The following MRS2 variants were observed in gnomAD, a reference collection of about 807,000 sequenced individuals.
MRS2 encodes the protein magnesium transporter MRS2.
A neutral mutation model predicts 52.6 loss-of-function variants in MRS2; 40 were observed. That is an observed-to-expected ratio of 0.76 (90% CI 0.59 to 0.99). MRS2 has a LOEUF of 0.99. Ranked by LOEUF, MRS2 falls within the 50% of genes least tolerant of loss-of-function variation. The pLI is 0.00. For missense variants in MRS2, 472 were observed against 532.7 expected (o/e 0.89, Z 1.12); for synonymous variants, 193 against 195.9 (o/e 0.98, Z 0.13).
At chr6:24,422,860 C>T (rs981647081) in intron 9 of MRS2, 77 bp from the exon 10 acceptor site, 31 of 983,954 alleles carry the variant, frequency 3.2e-5, no homozygotes, top group Non-Finnish European at 4.4e-5. Flanking sequence ...CTTTCAAACT[C>T]TGGGGCAGTA....
chr6:24,413,107 T>C (rs1761722670), intron 5 of MRS2, among the ~76,000 whole-genome samples: 1 of 152,024 alleles, frequency 6.6e-6, no homozygotes, highest in African/African-American at 2.4e-5. Context: ...AGATGATAAG[T>C]AGTGGGAGCC....
intron 10 of MRS2, chr6:24,423,307 G>A: frequency 2.1e-6 from 1 of 478,898 alleles, no homozygotes; most frequent in South Asian, 3.6e-5. Flanking sequence ...AATTTGTGTA[G>A]AACTCTGACA....
intron 5 of MRS2, among the ~76,000 whole-genome samples, chr6:24,413,417 C>T (rs940918249): frequency 1.3e-5 from 2 of 152,078 alleles, no homozygotes; most frequent in Non-Finnish European, 2.9e-5. Flanking sequence ...GAAGCAAGAC[C>T]AGCCACCTCT....
chr6:24,404,458 A>C (rs971760356), intron 1 of MRS2, among the ~76,000 whole-genome samples: 1 of 152,220 alleles, frequency 6.6e-6, no homozygotes, highest in African/African-American at 2.4e-5. Flanking sequence ...TAGAAAAAAG[A>C]TCAGAAATAG....
In MRS2 at chr6:24,403,128, G is replaced by T; in HGVS notation, c.82G>T (p.Asp28Tyr). ...GCGGACGCTGTGTGCCCTGGCCTTG[G>T]ACGTGACCTCTGTGGGTCCTCCCGT... The part of the protein sequence containing the change: ...PRRTLCALAL[D>Y]VTSVGPPVAA... Residue 28 changes from aspartate to tyrosine, a missense_variant, in exon 1 of 11, where the codon GAC becomes TAC. Physicochemically the swap from Asp to Tyr is radical, Grantham distance 160 (BLOSUM62 -3). Transcript: ENST00000378386. The T allele has an allele frequency of 6.2e-7, 1 of 1,612,034 alleles. No homozygotes were observed. Among genetic ancestry groups the T allele is most frequent in the Non-Finnish European group, 8.5e-7 (1 of 1,179,898 alleles).
chr6:24,406,502 G>A (rs908580684), intron 2 of MRS2, among the ~76,000 whole-genome samples: 6 of 152,140 alleles, frequency 3.9e-5, no homozygotes, highest in African/African-American at 9.7e-5. Context: ...GGCCAGGCAC[G>A]GTGGCTCACG....
intron 2 of MRS2, among the ~76,000 whole-genome samples, chr6:24,406,386 A>G (rs894071073): frequency 2.7e-5 from 4 of 149,168 alleles, no homozygotes; most frequent in African/African-American, 9.7e-5. Context: ...GCTTTTCTTT[A>G]TAAACTATAT....
Position 24,412,208 on chromosome 6 carries a change from T to TC in MRS2, c.415-14_415-13insC. ...TCACATATTTATATGTTTTGGTTTT[T>TC]TTTTTTTTAACAGTATTTGAAAGCT... On this transcript the variant is annotated splice_polypyrimidine_tract_variant and intron_variant, in intron 4 of 10. Coordinates refer to ENST00000378386, the MANE Select transcript of MRS2 (RefSeq NM_020662.4). 1 of 1,530,598 alleles carries TC rather than the reference T, an allele frequency of 6.5e-7. No homozygotes were observed. Among genetic ancestry groups the TC allele is most frequent in the South Asian group, 1.3e-5 (1 of 78,466 alleles). The allele number at this position is 1,530,598 out of a possible 1,614,324, so 94.8% of individuals were successfully genotyped here.
intron 9 of MRS2, among the ~76,000 whole-genome samples, chr6:24,422,255 C>T (rs906102409): frequency 1.3e-5 from 2 of 152,196 alleles, no homozygotes; most frequent in African/African-American, 2.4e-5. Flanking sequence ...GAAGTGAGCT[C>T]TCAATCATTG....
intron 7 of MRS2, 49 bp from the exon 8 acceptor site, chr6:24,418,035 A>G: frequency 1.3e-6 from 2 of 1,535,344 alleles, no homozygotes; most frequent in Non-Finnish European, 1.8e-6. Flanking sequence ...CACTAAGTAT[A>G]TGATACACAT....
chr6:24,423,078 T>C (rs374584187), intron 10 of MRS2, 28 bp downstream of exon 10: 4 of 1,538,922 alleles, frequency 2.6e-6, no homozygotes, highest in Non-Finnish European at 3.6e-6. Context: ...CACGGCGGTA[T>C]TGTGGAAGGG....
chr6:24,408,456 G>A lies in MRS2; in HGVS notation c.301+12G>A, dbSNP rs1761546837. On this transcript the variant is annotated intron_variant, in intron 3 of 10. Coordinates refer to ENST00000378386, the MANE Select transcript of MRS2 (RefSeq NM_020662.4). Reference sequence around the variant, plus strand: ...CGTTACTTCTTTTGGTGAGTGATTAGCATTCTAAATCATTTTTTAAACATT... The same window carrying A: ...CGTTACTTCTTTTGGTGAGTGATTAACATTCTAAATCATTTTTTAAACATT... The A allele has an allele frequency of 3.2e-6, 5 of 1,565,894 alleles. No homozygotes were observed. Among genetic ancestry groups the A allele is most frequent in the Non-Finnish European group, 4.4e-6 (5 of 1,138,666 alleles).
chr6:24,410,884 T>C (rs1232253058), intron 4 of MRS2: 2 of 736,432 alleles, frequency 2.7e-6, no homozygotes, highest in African/African-American at 3.6e-5. Flanking sequence ...CTTTCAACTT[T>C]TCTGTATAAA....
chr6:24,417,361 A>G (rs1761886149), intron 7 of MRS2, among the ~76,000 whole-genome samples: 1 of 152,244 alleles, frequency 6.6e-6, no homozygotes, highest in Non-Finnish European at 1.5e-5. Context: ...TCTTTATATG[A>G]AATCACATTA....
In MRS2 at chr6:24,425,904, C is replaced by T. The variant is rs960765691; in HGVS notation, c.*2210C>T. 1.3e-5 allele frequency: 2 copies of T among 152,098 alleles called. No individual in the cohort carries two copies. The highest frequency in any genetic ancestry group is 4.8e-5 in the African/African-American group (2 of 41,422). The allele number at this position is 152,098 out of a possible 1,614,324, so 9.4% of individuals were successfully genotyped here. A position where few individuals can be genotyped will look rare whatever the true frequency, so the allele number is the denominator to read the frequency against. ...TATACAGCTTTATTTTTTGGAATTG[C>T]AATATTAAAGTTGCACGTTGGATTT... On this transcript the variant is annotated 3_prime_UTR_variant, in exon 11 of 11. Coordinates refer to ENST00000378386, the MANE Select transcript of MRS2 (RefSeq NM_020662.4).
At position 24,423,615 on chromosome 6, in the gene MRS2, C is replaced by G; in HGVS notation, c.1253C>G (p.Ala418Gly). Residue 418 changes from alanine to glycine, a missense_variant, in exon 11 of 11, where the codon GCA becomes GGA. Physicochemically the swap from Ala to Gly is moderately conservative, Grantham distance 60. Transcript: ENST00000378386. ...TCTTTACCTAAAAAGACTCTTCTGG[C>G]AGATAGAAGCATGGAATTGAAAAAT... is the stretch of plus-strand genomic sequence containing the variant. The part of the protein sequence containing the change: ...MASLPKKTLL[A>G]DRSMELKNSL... 1.9e-6 allele frequency: 3 copies of G among 1,608,982 alleles called. No homozygotes were observed. The highest frequency in any genetic ancestry group is 1.7e-6 in the Non-Finnish European group (2 of 1,175,888).
chr6:24,423,799 A>G lies in MRS2; in HGVS notation c.*105A>G. The G allele has an allele frequency of 2.1e-6, 1 of 472,050 alleles. No homozygotes were observed. Among genetic ancestry groups the G allele is most frequent in the Non-Finnish European group, 3.8e-6 (1 of 266,414 alleles). The allele number at this position is 472,050 out of a possible 1,614,324, so 29.2% of individuals were successfully genotyped here. A position where few individuals can be genotyped will look rare whatever the true frequency, so the allele number is the denominator to read the frequency against. ...TAGAGTCAGACACTTGAAAAAAACTAATGTTTGAAGACAAAAATATTTTGG... is the reference window on the plus strand; with the variant it reads ...TAGAGTCAGACACTTGAAAAAAACTGATGTTTGAAGACAAAAATATTTTGG... On this transcript the variant is annotated 3_prime_UTR_variant, in exon 11 of 11. Transcript: ENST00000378386.
chr6:24,416,311 T>C (rs1581705136), intron 6 of MRS2, 86 bp from the exon 7 acceptor site: 3 of 621,392 alleles, frequency 4.8e-6, no homozygotes, highest in East Asian at 2.9e-5. Flanking sequence ...AGATAATATA[T>C]TTGATAAGAT....
At position 24,426,132 on chromosome 6, in the gene MRS2, A is replaced by G. The variant is rs1228707657; in HGVS notation, c.*2438A>G. The G allele has an allele frequency of 6.6e-6, 1 of 152,248 alleles. No individual in the cohort carries two copies. Among genetic ancestry groups the G allele is most frequent in the African/African-American group, 2.4e-5 (1 of 41,474 alleles). The allele number at this position is 152,248 out of a possible 1,614,324, so 9.4% of individuals were successfully genotyped here. On this transcript the variant is annotated 3_prime_UTR_variant, in exon 11 of 11. Coordinates refer to ENST00000378386, the MANE Select transcript of MRS2 (RefSeq NM_020662.4). Reference sequence around the variant, plus strand: ...ATATACGCAGATAGTAGCAAGACAGAAAATGCAAATATGTAAATGTCTTCT... The same window carrying G: ...ATATACGCAGATAGTAGCAAGACAGGAAATGCAAATATGTAAATGTCTTCT...
Sources: allele counts gnomAD v4.1 joint callset (sites outside exome capture counted in the v4.1 genomes callset), GRCh38; gene constraint gnomAD v4.1.1; transcripts MANE v1.5; gene names NCBI Gene and HGNC (gene_info 2026-07-23, HGNC 2026-07-21).